Variants in NSD1 observed in about 807,000 individuals in gnomAD.
The protein encoded by NSD1 is histone-lysine N-methyltransferase, H3 lysine-36 specific.
NSD1 carries 26 observed loss-of-function variants against 242.7 expected under a neutral mutation model. The ratio of observed to expected loss-of-function variants is 0.11; its 90% CI spans 0.08 to 0.15. NSD1 has a LOEUF of 0.15. Among genes scored for constraint, NSD1 ranks in the 10% least tolerant of loss-of-function variants. The probability of loss-of-function intolerance (pLI) is 1.00; values close to 1 mark genes in which losing one functional copy is unlikely to be tolerated. For synonymous variants in NSD1, 1,106 were observed against 1,178.1 expected (o/e 0.94, Z 1.25); for missense variants, 2,495 against 3,272.8 (o/e 0.76, Z 5.80).
At chr5:177,285,456 C>G (rs1030746186) in intron 20 of NSD1, among the ~76,000 whole-genome samples, 2 of 147,444 alleles carry the variant, frequency 1.4e-5, no homozygotes, top group Admixed American at 7.0e-5. Flanking sequence ...CTCAGCTACT[C>G]TGGAGGCTGA....
intron 3 of NSD1, among the ~76,000 whole-genome samples, chr5:177,197,873 T>G (rs1183507168): frequency 6.6e-6 from 1 of 151,904 alleles, no homozygotes; most frequent in Non-Finnish European, 1.5e-5. Context: ...TTTGTTGTTG[T>G]TGGTTTCATT....
At chr5:177,172,961 CAAAAAAAAAAA>C (rs1157349270) in intron 2 of NSD1, among the ~76,000 whole-genome samples, 3 of 66,022 alleles carry the variant, frequency 4.5e-5, no homozygotes, top group East Asian at 3.5e-4. Context: ...GACCCTGTCT[CAAAAAAAAAAA>C]AAAAAAAAAA....
At chr5:177,196,465 C>T (rs921742883) in intron 3 of NSD1, among the ~76,000 whole-genome samples, 8 of 152,120 alleles carry the variant, frequency 5.3e-5, no homozygotes, top group Non-Finnish European at 1.0e-4. Flanking sequence ...AGGTAAAATG[C>T]ATCTGATGTA....
At chr5:177,198,690 A>G (rs1028069151) in intron 3 of NSD1, among the ~76,000 whole-genome samples, 2 of 152,194 alleles carry the variant, frequency 1.3e-5, no homozygotes, top group Non-Finnish European at 2.9e-5. Flanking sequence ...TTTAGTCTGT[A>G]ATAGCCCTTT....
intron 12 of NSD1, among the ~76,000 whole-genome samples, chr5:177,252,536 GTTCTTTT>G (rs1425927130): frequency 2.0e-5 from 2 of 98,996 alleles, no homozygotes; most frequent in African/African-American, 8.7e-5. Flanking sequence ...AAAGTAAAGT[GTTCTTTT>G]TTTTTTTTTT....
At position 177,238,288 on chromosome 5, in the gene NSD1, G is replaced by A; in HGVS notation, c.3973G>A (p.Ala1325Thr). 6.2e-7 allele frequency: 1 copy of A among 1,614,142 alleles called. No individual in the cohort carries two copies. Among genetic ancestry groups the A allele is most frequent in the Non-Finnish European group, 8.5e-7 (1 of 1,180,032 alleles). The change falls in exon 7 of 23, where the codon GCT becomes ACT. Residue 1325 changes from alanine (A) to threonine (T), a missense_variant. Around this residue, in one of 19 missense-constraint regions of NSD1, gnomAD observed 100 missense variants for 190.7 expected, o/e 0.52. Coordinates refer to ENST00000439151, the MANE Select transcript of NSD1 (RefSeq NM_022455.5). The surrounding 1 kb of genome is among the most constrained non-coding windows in gnomAD (Gnocchi z 4.6). ...ESLLARGRSS[A>T]QNKQVDENSL... ...CCTTCTAGCCCGAGGTCGATCTAGT[G>A]CTCAGAACAAGCAGGTGGACGAGAA...
At chr5:177,236,905 C>A (rs748589965) in intron 6 of NSD1, among the ~76,000 whole-genome samples, 13 of 152,274 alleles carry the variant, frequency 8.5e-5, no homozygotes, top group Non-Finnish European at 1.5e-4. Context: ...TGCACGAACA[C>A]GGTTCACTGC....
Position 177,297,053 on chromosome 5 carries a change from G to A in NSD1, c.*1594G>A. The A allele has an allele frequency of 4.3e-6, 1 of 233,262 alleles. No homozygotes were observed. The highest frequency in any genetic ancestry group is 8.5e-6 in the Non-Finnish European group (1 of 118,034). 14.4% of individuals were successfully genotyped at this position (233,262 alleles called of 1,614,324 possible). A position where few individuals can be genotyped will look rare whatever the true frequency, so the allele number is the denominator to read the frequency against. On this transcript the variant is annotated 3_prime_UTR_variant, in exon 23 of 23. Coordinates refer to ENST00000439151, the MANE Select transcript of NSD1 (RefSeq NM_022455.5). ...TCCCATCAATTCCACGGAGGGAACAGTAGTTATTATAGAAGCATTTGCGCT... is the reference window on the plus strand; with the variant it reads ...TCCCATCAATTCCACGGAGGGAACAATAGTTATTATAGAAGCATTTGCGCT...
chr5:177,249,492 A>C (rs1275183835), intron 11 of NSD1, among the ~76,000 whole-genome samples: 1 of 151,868 alleles, frequency 6.6e-6, no homozygotes, highest in Non-Finnish European at 1.5e-5. Context: ...TTTGAGACGA[A>C]GTCTCGCTCT....
In NSD1 at chr5:177,210,552, G is replaced by T; in HGVS notation, c.2153G>T (p.Ser718Ile). ...HTDHLMGCTK[S>I]AEPGTETSQV... The stretch of plus-strand genomic sequence containing the variant: ...GACCACTTAATGGGTTGTACTAAGA[G>T]TGCAGAGCCTGGAACCGAGACGTCT... Residue 718 changes from serine (S) to isoleucine (I), a missense_variant, in exon 5 of 23, where the codon AGT (serine) becomes ATT (isoleucine). By Grantham distance (142) the Ser-to-Ile change is moderately radical. This residue lies in a region of NSD1 where 515 missense variants were observed against 467.0 expected (regional missense o/e 1.10). Transcript: ENST00000439151. 6.2e-7 allele frequency: 1 copy of T among 1,614,146 alleles called. No individual in the cohort carries two copies. Among genetic ancestry groups the T allele is most frequent in the African/African-American group, 1.3e-5 (1 of 75,016 alleles).
chr5:177,231,450 T>C (rs1765047036), intron 5 of NSD1, among the ~76,000 whole-genome samples: 1 of 152,062 alleles, frequency 6.6e-6, no homozygotes, highest in Non-Finnish European at 1.5e-5. Context: ...ATGACAAGGT[T>C]ATTATTATTT....
chr5:177,215,582 C>T (rs1763708672), intron 5 of NSD1, among the ~76,000 whole-genome samples: 1 of 151,780 alleles, frequency 6.6e-6, no homozygotes, highest in South Asian at 2.1e-4. Context: ...CTCTGTCACC[C>T]AGGCTGGAGT....
At chr5:177,173,044 A>G (rs1759847752) in intron 2 of NSD1, among the ~76,000 whole-genome samples, 1 of 150,760 alleles carries the variant, frequency 6.6e-6, no homozygotes, top group South Asian at 2.1e-4. Flanking sequence ...GTGTAATCCC[A>G]TCACTTTGGG....
intron 2 of NSD1, 82 bp downstream of exon 2, chr5:177,136,112 G>T (rs1229384194): frequency 7.8e-7 from 1 of 1,283,452 alleles, no homozygotes; most frequent in Non-Finnish European, 1.1e-6. Context: ...TAACAAATTT[G>T]TTTTTGGTTG....
intron 3 of NSD1, among the ~76,000 whole-genome samples, chr5:177,193,467 G>C (rs1761861735): frequency 6.6e-6 from 1 of 151,922 alleles, no homozygotes; most frequent in Admixed American, 6.6e-5. Flanking sequence ...AGTAGAGATG[G>C]GGTTTCACCA....
intron 14 of NSD1, chr5:177,266,660 G>T: frequency 8.0e-6 from 3 of 376,596 alleles, no homozygotes; most frequent in Non-Finnish European, 1.4e-5. Flanking sequence ...TTTAAGAGGT[G>T]AAAGAAGCAC....
upstream of NSD1, among the ~76,000 whole-genome samples, chr5:177,132,322 G>A (rs1177352098): frequency 6.6e-6 from 1 of 151,444 alleles, no homozygotes; most frequent in African/African-American, 2.4e-5. This position sits in a 1 kb window ranked among gnomAD's most constrained non-coding sequence, Gnocchi z 7.5. Context: ...CCTGGGTGCC[G>A]AGAACTGCAG....
chr5:177,251,671 G>T, intron 11 of NSD1, 59 bp from the exon 12 acceptor site: 2 of 1,589,752 alleles, frequency 1.3e-6, no homozygotes, highest in Non-Finnish European at 1.7e-6. Context: ...ACTGACACTG[G>T]TTTTACTCTT....
In NSD1 at chr5:177,296,978, A is replaced by G; in HGVS notation, c.*1519A>G. 1 of 233,266 alleles carries G rather than the reference A, an allele frequency of 4.3e-6. No homozygotes were observed. The highest frequency in any genetic ancestry group is 2.2e-5 in the African/African-American group (1 of 45,462). 14.4% of individuals were successfully genotyped at this position (233,266 alleles called of 1,614,324 possible). On this transcript the variant is annotated 3_prime_UTR_variant, in exon 23 of 23. Transcript: ENST00000439151. ...CTTAGTTATGGCTTTCACGCTCTCA[A>G]TAGGATTCTGTATTTGGTCCCAATT...
Sources: gnomAD v4.1 joint callset for allele counts (sites outside exome capture counted in the v4.1 genomes callset) on GRCh38, gnomAD v4.1.1 for gene constraint, gnomAD v4.1.1 regional missense constraint, Gnocchi (gnomAD v3.1) non-coding constraint, MANE v1.5 for transcripts, NCBI Gene and HGNC (gene_info 2026-07-23, HGNC 2026-07-21) for gene names.